The following VRK2 variants were observed in gnomAD, a reference collection of about 807,000 sequenced individuals.
VRK2 encodes the protein VRK serine/threonine kinase 2.
Under a neutral mutation model 57.6 loss-of-function variants are expected in VRK2, and 60 were observed. The ratio of observed to expected loss-of-function variants is 1.04; its 90% CI spans 0.85 to 1.29. VRK2 has a LOEUF of 1.29. Ranked by LOEUF, VRK2 falls within the 50% of genes most tolerant of loss-of-function variation. The pLI is 0.00. For missense variants in VRK2, 705 were observed against 588.1 expected, an observed-to-expected ratio of 1.20 and a Z score of -2.06; for synonymous variants, 231 against 199.2, an observed-to-expected ratio of 1.16 and a Z score of -1.35.
At position 58,139,844 on chromosome 2, in the gene VRK2, A is replaced by C. The variant is rs1217324954; in HGVS notation, c.1023+12A>C. 1 of 1,603,522 alleles carries C rather than the reference A, an allele frequency of 6.2e-7. No individual in the cohort carries two copies. The highest frequency in any genetic ancestry group is 8.5e-7 in the Non-Finnish European group (1 of 1,174,466). On this transcript the variant is annotated intron_variant, in intron 11 of 12. Coordinates refer to ENST00000340157, the MANE Select transcript of VRK2 (RefSeq NM_006296.7). ...CAAACAGTCAAAAAGTAAGTAACAT[A>C]ATCCCTGCTATCCTATGATTACCTT...
At chr2:58,111,263 CCTAT>C (rs1675526153) in intron 7 of VRK2, among the ~76,000 whole-genome samples, 1 of 152,020 alleles carries the variant, frequency 6.6e-6, no homozygotes, top group Non-Finnish European at 1.5e-5. Context: ...ATCCATCTTC[CCTAT>C]CTACCTCACA....
chr2:58,136,974 TATATATC>T (rs1680240413), intron 10 of VRK2, among the ~76,000 whole-genome samples: 1 of 133,440 alleles, frequency 7.5e-6, no homozygotes, highest in Admixed American at 8.0e-5. Flanking sequence ...TATCATATAT[TATATATC>T]ATATATATGT....
chr2:58,159,563 GT>G lies in VRK2; in HGVS notation c.1399del (p.Ser467GlnfsTer32), dbSNP rs1482141396. The part of the protein sequence containing the change: ...TVSTGITDLE[S>X]STGLWPTISQ... ...AGCACGGGGATCACAGACTTAGAAA[GT>G]TCAACTGGACTTTGGCCTACAATTT... On this transcript the variant is annotated frameshift_variant, in exon 13 of 13. Coordinates refer to ENST00000340157, the MANE Select transcript of VRK2 (RefSeq NM_006296.7). LOFTEE classifies it low-confidence loss of function (END_TRUNC). 6.2e-7 allele frequency: 1 copy of G among 1,613,802 alleles called. No individual in the cohort carries two copies.
intron 1 of VRK2, among the ~76,000 whole-genome samples, chr2:58,008,034 A>G (rs1368006997): frequency 6.6e-6 from 1 of 152,074 alleles, no homozygotes; most frequent in East Asian, 1.9e-4. Context: ...GAACATAAAA[A>G]CCACAAGAAA....
chr2:57,965,554 G>A (rs1366866380), intron 1 of VRK2, among the ~76,000 whole-genome samples: 1 of 152,128 alleles, frequency 6.6e-6, no homozygotes, highest in Non-Finnish European at 1.5e-5. Flanking sequence ...TTTTGATTAT[G>A]AATTTGCTTC....
upstream of VRK2, among the ~76,000 whole-genome samples, chr2:58,045,212 A>G (rs1156374818): frequency 6.6e-6 from 1 of 152,202 alleles, no homozygotes; most frequent in Admixed American, 6.5e-5. Flanking sequence ...GGGTAATACA[A>G]TTACCTAGAG....
intron 1 of VRK2, among the ~76,000 whole-genome samples, chr2:58,000,864 T>A (rs1673068713): frequency 6.6e-6 from 1 of 152,216 alleles, no homozygotes; most frequent in Non-Finnish European, 1.5e-5. Context: ...AAATAGAAAT[T>A]CAGAAGCTGG....
intron 3 of VRK2, among the ~76,000 whole-genome samples, chr2:58,034,826 T>C (rs1423585248): frequency 6.6e-6 from 1 of 152,002 alleles, no homozygotes; most frequent in African/African-American, 2.4e-5. Context: ...TCAAAATATT[T>C]ATTGAACATC....
intron 9 of VRK2, among the ~76,000 whole-genome samples, chr2:58,134,612 C>T (rs1476281146): frequency 2.6e-5 from 3 of 113,598 alleles, no homozygotes; most frequent in African/African-American, 1.1e-4. Flanking sequence ...AGCGAGACTC[C>T]GTCTCAAAAA....
Position 58,159,592 on chromosome 2 carries a change from C to G in VRK2, c.1426C>G (p.Gln476Glu), listed in dbSNP as rs976332865. ...SSTGLWPTIS[Q>E]FTLSEETNAD... ...AACTGGACTTTGGCCTACAATTTCC[C>G]AGTTTACTCTTAGTGAAGAGACAAA... Residue 476 changes from glutamine to glutamate, a missense_variant, in exon 13 of 13, where the codon CAG becomes GAG. Gln to Glu is a conservative substitution (Grantham distance 29). Coordinates refer to ENST00000340157, the MANE Select transcript of VRK2 (RefSeq NM_006296.7). 12 of 1,613,740 alleles carry G rather than the reference C, an allele frequency of 7.4e-6. No homozygotes were observed. The highest frequency in any genetic ancestry group is 8.5e-7 in the Non-Finnish European group (1 of 1,179,822).
chr2:58,039,663 T>A (rs1334906497), intron 3 of VRK2, among the ~76,000 whole-genome samples: 2 of 152,098 alleles, frequency 1.3e-5, no homozygotes, highest in African/African-American at 4.8e-5. Flanking sequence ...AATGTGTTTG[T>A]TATACTGTTA....
At chr2:58,089,108 T>G (rs992167021) in intron 6 of VRK2, among the ~76,000 whole-genome samples, 2 of 152,194 alleles carry the variant, frequency 1.3e-5, no homozygotes, top group African/African-American at 4.8e-5. Flanking sequence ...TATTGAGTAC[T>G]AAGTGTATGT....
intron 2 of VRK2, among the ~76,000 whole-genome samples, chr2:58,056,162 C>T (rs1198648644): frequency 6.6e-6 from 1 of 151,722 alleles, no homozygotes; most frequent in South Asian, 2.1e-4. Flanking sequence ...CTAAAATTTA[C>T]AGGAATGCCT....
At chr2:58,035,840 A>G (rs1023260487) in intron 3 of VRK2, among the ~76,000 whole-genome samples, 1 of 152,092 alleles carries the variant, frequency 6.6e-6, no homozygotes, top group African/African-American at 2.4e-5. Flanking sequence ...AATATGAAAT[A>G]GGAAAATGGG....
intron 1 of VRK2, among the ~76,000 whole-genome samples, chr2:58,013,372 C>A (rs189910079): frequency 2.4e-4 from 36 of 152,302 alleles, no homozygotes; most frequent in Admixed American, 2.1e-3. Flanking sequence ...TGCAGAATAT[C>A]CAGCTTTGTA....
At chr2:58,025,242 C>A (rs942048325) in intron 1 of VRK2, among the ~76,000 whole-genome samples, 1 of 151,126 alleles carries the variant, frequency 6.6e-6, no homozygotes, top group African/African-American at 2.5e-5. Flanking sequence ...GTAAAATAGG[C>A]ACAAGAAAAG....
intron 1 of VRK2, among the ~76,000 whole-genome samples, chr2:57,956,882 T>C (rs1671603027): frequency 6.6e-6 from 1 of 152,226 alleles, no homozygotes; most frequent in Non-Finnish European, 1.5e-5. Flanking sequence ...TGGACATTGA[T>C]ATTTCAAATA....
chr2:58,064,557 A>T (rs1428784934), intron 2 of VRK2, among the ~76,000 whole-genome samples: 1 of 152,148 alleles, frequency 6.6e-6, no homozygotes, highest in Non-Finnish European at 1.5e-5. Flanking sequence ...TATAGTGTAA[A>T]TATAACTTTT....
In VRK2 at chr2:58,120,601, T is replaced by G. The variant is rs1045685882; in HGVS notation, c.544-2500T>G. On this transcript the variant is annotated intron_variant, in intron 7 of 12. Coordinates refer to ENST00000340157, the MANE Select transcript of VRK2 (RefSeq NM_006296.7). ...AGTGATGACAAAGACAGCCTTAATA[T>G]TCCCCTTAGCTTGACACAACTTGAC... is the stretch of plus-strand genomic sequence containing the variant. 3.3e-5 allele frequency among the ~76,000 whole-genome samples: 5 copies of G among 152,176 alleles called. 1 individual carries two copies. The highest frequency in any genetic ancestry group is 3.3e-4 in the Admixed American group (5 of 15,280).
Sources: allele counts gnomAD v4.1 joint callset (sites outside exome capture counted in the v4.1 genomes callset), GRCh38; gene constraint gnomAD v4.1.1; transcripts MANE v1.5; gene names NCBI Gene and HGNC (gene_info 2026-07-23, HGNC 2026-07-21).